ACOT7: variants seen among roughly 807,000 people sequenced by gnomAD.
The protein encoded by ACOT7 is acyl-CoA thioesterase 7, also known as cytosolic acyl coenzyme A thioester hydrolase.
In ACOT7, 12 loss-of-function variants were observed where a neutral mutation model predicts 40.2. That is an observed-to-expected ratio of 0.30 (90% CI 0.19 to 0.48). The LOEUF is 0.48. Among genes scored for constraint, ACOT7 ranks in the 20% least tolerant of loss-of-function variants. The probability of loss-of-function intolerance (pLI) is 0.99; values close to 1 mark genes in which losing one functional copy is unlikely to be tolerated. For synonymous variants in ACOT7, 228 were observed against 219.5 expected (o/e 1.04, Z -0.34); for missense variants, 395 against 530.8 (o/e 0.74, Z 2.51).
At chr1:6,351,817 G>A (rs1424083809) in intron 1 of ACOT7, among the ~76,000 whole-genome samples, 1 of 152,256 alleles carries the variant, frequency 6.6e-6, no homozygotes, top group Non-Finnish European at 1.5e-5. Context: ...CGCGGGCCAA[G>A]GGCTGCAGAG....
intron 1 of ACOT7, among the ~76,000 whole-genome samples, chr1:6,353,905 C>T (rs1444693893): frequency 1.3e-5 from 2 of 152,104 alleles, no homozygotes; most frequent in East Asian, 3.9e-4. Context: ...TACGTGGCTG[C>T]CTTCTTTCTC....
In ACOT7 at chr1:6,275,459, G is replaced by A. The variant is rs1436053489; in HGVS notation, c.1014+5643C>T. 6.6e-6 allele frequency among the ~76,000 whole-genome samples: 1 copy of A among 152,162 alleles called. No homozygotes were observed. Among genetic ancestry groups the A allele is most frequent in the African/African-American group, 2.4e-5 (1 of 41,444 alleles). ...AAAGATGGCCACAGCTAGGCCAGGC[G>A]CGGTAGCTCACGCCTGTAATCCTAG... On this transcript the variant is annotated intron_variant, in intron 8 of 8. Transcript: ENST00000361521. The surrounding 1 kb of genome is among the most constrained non-coding windows in gnomAD (Gnocchi z 5.6).
Position 6,359,057 on chromosome 1 carries a change from T to C in ACOT7, c.144-9191A>G, listed in dbSNP as rs1641828864. 2 of 616,912 alleles carry C rather than the reference T, an allele frequency of 3.2e-6. No individual in the cohort carries two copies. The highest frequency in any genetic ancestry group is 1.9e-5 in the African/African-American group (1 of 52,190). 38.2% of individuals were successfully genotyped at this position (616,912 alleles called of 1,614,324 possible). On this transcript the variant is annotated intron_variant, in intron 1 of 8. Coordinates refer to ENST00000361521, the MANE Select transcript of ACOT7 (RefSeq NM_007274.4). The surrounding 1 kb of genome is among the most constrained non-coding windows in gnomAD (Gnocchi z 4.1). ...AGCGTCTACCAGAAACCGGTCGTCA[T>C]GGAAACCTTGCTTTATAAATAATTA...
chr1:6,339,303 T>G, intron 3 of ACOT7, 130 bp downstream of exon 3: 2 of 1,289,444 alleles, frequency 1.6e-6, no homozygotes, highest in Non-Finnish European at 1.1e-6. Context: ...AGGGCCATGG[T>G]GGGAGGTGAG....
At chr1:6,373,829 C>T (rs1642177289) in intron 1 of ACOT7, among the ~76,000 whole-genome samples, 1 of 150,458 alleles carries the variant, frequency 6.6e-6, no homozygotes, top group Non-Finnish European at 1.5e-5. Context: ...CGTGCCATTG[C>T]ACTCCAGCCT....
Position 6,311,735 on chromosome 1 carries a change from G to C in ACOT7, c.712+6757C>G, listed in dbSNP as rs1640336918. ...AACTGGGAAACTTGCTGAGAAGAAG[G>C]GAAACACACTCATGGACACACGAGT... On this transcript the variant is annotated intron_variant, in intron 6 of 8. Coordinates refer to ENST00000361521, the MANE Select transcript of ACOT7 (RefSeq NM_007274.4). The surrounding 1 kb of genome is among the most constrained non-coding windows in gnomAD (Gnocchi z 5.2). Among the ~76,000 whole-genome samples, 2 of 152,182 alleles carry C rather than the reference G, an allele frequency of 1.3e-5. No homozygotes were observed. Among genetic ancestry groups the C allele is most frequent in the South Asian group, 4.1e-4 (2 of 4,822 alleles).
intron 7 of ACOT7, among the ~76,000 whole-genome samples, chr1:6,285,741 G>A (rs1444556030): frequency 2.0e-5 from 3 of 151,964 alleles, no homozygotes; most frequent in African/African-American, 7.3e-5. Flanking sequence ...ACTGCCTGCA[G>A]ACCTGGCGTG....
In ACOT7 at chr1:6,352,525, C is replaced by T. The variant is rs529916195; in HGVS notation, c.144-2659G>A. Among the ~76,000 whole-genome samples the T allele has an allele frequency of 2.0e-5, 3 of 152,230 alleles. No homozygotes were observed. The highest frequency in any genetic ancestry group is 2.9e-5 in the Non-Finnish European group (2 of 68,040). ...GGTCATGACTGCCTCTGTCTAAAGG[C>T]AGGCAGGGGTGAGAGCCAGGGAGCC... On this transcript the variant is annotated intron_variant, in intron 1 of 8. Transcript: ENST00000361521. The surrounding 1 kb of genome is among the most constrained non-coding windows in gnomAD (Gnocchi z 4.5).
intron 2 of ACOT7, among the ~76,000 whole-genome samples, chr1:6,346,428 T>C (rs935225974): frequency 6.6e-6 from 1 of 152,162 alleles, no homozygotes; most frequent in African/African-American, 2.4e-5. Flanking sequence ...CCTGTGGATA[T>C]CTGGGGAAAG....
At chr1:6,389,828 G>A (rs1293220594) in intron 1 of ACOT7, among the ~76,000 whole-genome samples, 2 of 151,506 alleles carry the variant, frequency 1.3e-5, no homozygotes, top group Admixed American at 1.3e-4. Context: ...AACAATGTCT[G>A]AACTGAGAAC....
chr1:6,335,659 C>A (rs574809361), intron 3 of ACOT7, among the ~76,000 whole-genome samples: 1 of 152,294 alleles, frequency 6.6e-6, no homozygotes, highest in South Asian at 2.1e-4. Context: ...ACCTGCCTCC[C>A]CAAGGCAAAG....
chr1:6,354,773 G>GC (rs529699850), intron 1 of ACOT7, among the ~76,000 whole-genome samples: 9 of 62,314 alleles, frequency 1.4e-4, no homozygotes, highest in African/African-American at 5.4e-4. Flanking sequence ...CTGGCCTCTA[G>GC]CCCCCCCATG....
At chr1:6,367,346 G>A (rs1014142222) in intron 1 of ACOT7, among the ~76,000 whole-genome samples, 3 of 152,102 alleles carry the variant, frequency 2.0e-5, no homozygotes, top group Admixed American at 6.6e-5. Flanking sequence ...TGGCACCTTT[G>A]CCTAAGTTTT....
At chr1:6,264,779 CCCCCACCCGTGGGATCTG>C in intron 8 of ACOT7, 84 bp from the exon 9 acceptor site, 1 of 1,432,344 alleles carries the variant, frequency 7.0e-7, no homozygotes, top group South Asian at 1.2e-5. Flanking sequence ...GGGGCCCTGC[CCCCCACCCGTGGGATCTG>C]CCCCACCCCT....
rs949325064 is a variant in ACOT7, at chr1:6,393,537, G to A, written c.-138C>T. On this transcript the variant is annotated 5_prime_UTR_variant, in exon 1 of 9. Transcript: ENST00000361521. ...CGAGCCCCGCCTCCCAGGCCGCCAA[G>A]GCTGCAGAGAGCTCGCGCGGGCGTA... The A allele has an allele frequency of 1.8e-5, 14 of 768,164 alleles. No homozygotes were observed. The African/African-American group carries it at 2.4e-4, about 13-fold the overall frequency. The allele number at this position is 768,164 out of a possible 1,614,324, so 47.6% of individuals were successfully genotyped here.
At chr1:6,343,999 G>A (rs150714350) in intron 2 of ACOT7, among the ~76,000 whole-genome samples, 8 of 152,216 alleles carry the variant, frequency 5.3e-5, no homozygotes, top group African/African-American at 1.7e-4. Flanking sequence ...ACAGCCCAAC[G>A]ATGTTAAGGC....
At chr1:6,270,518 C>T (rs112879885) in intron 8 of ACOT7, among the ~76,000 whole-genome samples, 2,462 of 152,278 alleles carry the variant, frequency 0.016, 63 homozygotes, top group African/African-American at 0.056. Flanking sequence ...TGGCAAAGGG[C>T]AGCTCAGGGC....
Position 6,274,072 on chromosome 1 carries a change from G to A in ACOT7, c.1014+7030C>T, listed in dbSNP as rs991864383. Among the ~76,000 whole-genome samples, 6 of 152,300 alleles carry A rather than the reference G, an allele frequency of 3.9e-5. No individual in the cohort carries two copies. Among genetic ancestry groups the A allele is most frequent in the South Asian group, 2.1e-4 (1 of 4,820 alleles). Reference sequence around the variant, plus strand: ...TCTTCGAGAGGAACGGGGCCCATGCGAGGACCCCAGGCCCCTCTGCACACC... The same window carrying A: ...TCTTCGAGAGGAACGGGGCCCATGCAAGGACCCCAGGCCCCTCTGCACACC... On this transcript the variant is annotated intron_variant, in intron 8 of 8. Transcript: ENST00000361521. The surrounding 1 kb of genome is among the most constrained non-coding windows in gnomAD (Gnocchi z 5.9).
chr1:6,362,543 C>A (rs1176989413), intron 1 of ACOT7, among the ~76,000 whole-genome samples: 1 of 152,088 alleles, frequency 6.6e-6, no homozygotes. Flanking sequence ...ATGAGACAGG[C>A]ACCTAGAACT....
Sources: allele counts gnomAD v4.1 joint callset (sites outside exome capture counted in the v4.1 genomes callset), GRCh38; gene constraint gnomAD v4.1.1; non-coding constraint Gnocchi (gnomAD v3.1); transcripts MANE v1.5; gene names NCBI Gene and HGNC (gene_info 2026-07-23, HGNC 2026-07-21).